CNTNAP2: variants seen among roughly 807,000 people sequenced by gnomAD.
The protein encoded by CNTNAP2 is contactin-associated protein-like 2.
A neutral mutation model predicts 155.2 loss-of-function variants in CNTNAP2; 98 were observed. The observed-to-expected ratio is 0.63, with a 90% CI of 0.54 to 0.75. CNTNAP2 has a LOEUF of 0.75. CNTNAP2 is among the 30% of genes least tolerant of loss of function. The pLI is 0.00. For missense variants in CNTNAP2, 1,727 were observed against 1,688.1 expected, an observed-to-expected ratio of 1.02 and a Z score of -0.40; for synonymous variants, 651 against 631.2, an observed-to-expected ratio of 1.03 and a Z score of -0.47.
intron 3 of CNTNAP2, among the ~76,000 whole-genome samples, chr7:146,906,798 T>C (rs888073862): frequency 1.2e-4 from 18 of 151,950 alleles, no homozygotes; most frequent in Non-Finnish European, 2.5e-4. Flanking sequence ...CAAAGCTGGA[T>C]GGAGAATGAC....
At chr7:146,809,455 A>T (rs1803026271) in intron 2 of CNTNAP2, among the ~76,000 whole-genome samples, 1 of 151,946 alleles carries the variant, frequency 6.6e-6, no homozygotes, top group African/African-American at 2.4e-5. Context: ...TCAACCTCTC[A>T]GGTTCAAGCG....
intron 3 of CNTNAP2, among the ~76,000 whole-genome samples, chr7:146,934,618 C>G (rs1193122597): frequency 6.6e-6 from 1 of 151,916 alleles, no homozygotes; most frequent in East Asian, 1.9e-4. Flanking sequence ...AAAAATTGTT[C>G]AATTCAAATT....
chr7:146,489,838 T>G (rs1436692357), intron 1 of CNTNAP2, among the ~76,000 whole-genome samples: 1 of 99,024 alleles, frequency 1.0e-5, no homozygotes, highest in Admixed American at 8.3e-5. Context: ...TCAGTGTGGC[T>G]GAGTTCAGGA....
chr7:148,374,153 T>C (rs945984818), intron 21 of CNTNAP2, among the ~76,000 whole-genome samples: 1 of 152,184 alleles, frequency 6.6e-6, no homozygotes, highest in African/African-American at 2.4e-5. Flanking sequence ...CTCAGGTCCA[T>C]TTCGTGATGT....
At chr7:147,283,336 T>G (rs1245179055) in intron 8 of CNTNAP2, among the ~76,000 whole-genome samples, 1 of 151,878 alleles carries the variant, frequency 6.6e-6, no homozygotes, top group Non-Finnish European at 1.5e-5. Flanking sequence ...TAAAAAAAAC[T>G]GAACATACCT....
At chr7:146,777,388 A>G (rs1053950479) in intron 2 of CNTNAP2, among the ~76,000 whole-genome samples, 1 of 152,160 alleles carries the variant, frequency 6.6e-6, no homozygotes, top group Non-Finnish European at 1.5e-5. Flanking sequence ...TAACTAAGCT[A>G]TATCTTCACC....
chr7:146,606,424 G>A (rs980918379), intron 1 of CNTNAP2, among the ~76,000 whole-genome samples: 3 of 152,238 alleles, frequency 2.0e-5, no homozygotes, highest in South Asian at 2.1e-4. Flanking sequence ...CAAACCAAGA[G>A]TGACCCTTTC....
intron 3 of CNTNAP2, among the ~76,000 whole-genome samples, chr7:146,987,143 G>C (rs1798127688): frequency 6.6e-6 from 1 of 152,036 alleles, no homozygotes; most frequent in Non-Finnish European, 1.5e-5. Flanking sequence ...CAGTGTCTAA[G>C]GACTTACATG....
At chr7:146,607,470 A>T (rs1284207490) in intron 1 of CNTNAP2, among the ~76,000 whole-genome samples, 1 of 151,862 alleles carries the variant, frequency 6.6e-6, no homozygotes, top group East Asian at 1.9e-4. Context: ...TCTTTTTAAA[A>T]TTTATGTTTT....
chr7:147,477,463 C>T (rs1343349658), intron 10 of CNTNAP2, among the ~76,000 whole-genome samples: 2 of 152,104 alleles, frequency 1.3e-5, no homozygotes, highest in South Asian at 2.1e-4. Context: ...TTAAGATTTT[C>T]TACTTGGAGC....
chr7:146,413,778 G>A (rs1360446072), intron 1 of CNTNAP2, among the ~76,000 whole-genome samples: 1 of 141,948 alleles, frequency 7.0e-6, no homozygotes, highest in Non-Finnish European at 1.5e-5. Context: ...GCAGAGAGAA[G>A]GGGGACTTTC....
At position 146,753,608 on chromosome 7, in the gene CNTNAP2, C is replaced by T. The variant is rs77878698; in HGVS notation, c.98-20663C>T. Among the ~76,000 whole-genome samples the T allele has an allele frequency of 1.9e-3, 289 of 152,060 alleles. 5 individuals are homozygous for T. In the East Asian group the frequency reaches 0.039, roughly 20 times the overall value. ...ATCATGTTGAATTTTATCTCATGTA[C>T]GTTACCAAAGCAATACAAATTCCTT... On this transcript the variant is annotated intron_variant, in intron 1 of 23. Coordinates refer to ENST00000361727, the MANE Select transcript of CNTNAP2 (RefSeq NM_014141.6).
intron 13 of CNTNAP2, among the ~76,000 whole-genome samples, chr7:147,736,991 T>C (rs1276051152): frequency 3.3e-5 from 5 of 152,186 alleles, no homozygotes; most frequent in Non-Finnish European, 7.3e-5. Context: ...CTCAGACAAG[T>C]TTGATCATCT....
chr7:147,047,031 CA>C (rs1230362426), intron 4 of CNTNAP2, among the ~76,000 whole-genome samples: 160 of 49,880 alleles, frequency 3.2e-3, no homozygotes, highest in Middle Eastern at 0.017. Flanking sequence ...GACTCCGTGT[CA>C]AAAAAAAAAA....
intron 4 of CNTNAP2, among the ~76,000 whole-genome samples, chr7:147,065,670 C>G (rs1240621980): frequency 6.6e-6 from 1 of 152,052 alleles, no homozygotes; most frequent in Non-Finnish European, 1.5e-5. Flanking sequence ...ATTAATTATG[C>G]TTTTTTAGTA....
chr7:148,123,670 AGGAAGGAAGGAAGGAAAAAGAAAG>A (rs1189318407), intron 16 of CNTNAP2, among the ~76,000 whole-genome samples: 3 of 147,562 alleles, frequency 2.0e-5, no homozygotes, highest in Non-Finnish European at 4.5e-5. Flanking sequence ...GAAGGAAGGA[AGGAAGGAAGGAAGGAAAAAGAAAG>A]AGAAAGAGAG....
At chr7:146,386,041 T>G (rs529976323) in intron 1 of CNTNAP2, among the ~76,000 whole-genome samples, 15 of 152,336 alleles carry the variant, frequency 9.8e-5, no homozygotes, top group African/African-American at 3.4e-4. Flanking sequence ...CATTCCCTGC[T>G]GGCCTTATCC....
chr7:147,518,975 G>A (rs1208665773), intron 11 of CNTNAP2, among the ~76,000 whole-genome samples: 1 of 147,276 alleles, frequency 6.8e-6, no homozygotes, highest in African/African-American at 2.5e-5. Context: ...AGGTTGCAGT[G>A]AGCCGAGATA....
At position 147,395,696 on chromosome 7, in the gene CNTNAP2, A is replaced by G; in HGVS notation, c.1586A>G (p.Gln529Arg). The change falls in exon 10 of 24, where the codon CAA becomes CGA. Residue 529 changes from glutamine (Q) to arginine (R), a missense_variant. Physicochemically the swap from Gln to Arg is conservative, Grantham distance 43 (BLOSUM62 1). Coordinates refer to ENST00000361727, the MANE Select transcript of CNTNAP2 (RefSeq NM_014141.6). ...GCMQLIQVDD[Q>R]LVNLYEVAQR... is the part of the protein sequence containing the mutation. ...ATGCAGCTCATTCAAGTGGACGATC[A>G]ACTTGTAAATTTATACGAAGTGGCA... 1 of 1,612,642 alleles carries G rather than the reference A, an allele frequency of 6.2e-7. No homozygotes were observed. The highest frequency in any genetic ancestry group is 8.5e-7 in the Non-Finnish European group (1 of 1,178,912).
Sources: gnomAD v4.1 joint callset for allele counts (sites outside exome capture counted in the v4.1 genomes callset) on GRCh38, gnomAD v4.1.1 for gene constraint, MANE v1.5 for transcripts, NCBI Gene and HGNC (gene_info 2026-07-23, HGNC 2026-07-21) for gene names.